XRCC4: variants seen among roughly 807,000 people sequenced by gnomAD.
XRCC4 encodes the protein X-ray repair cross complementing 4, also known as DNA repair protein XRCC4.
XRCC4 carries 28 observed loss-of-function variants against 39.1 expected under a neutral mutation model. That is an observed-to-expected ratio of 0.72 (90% confidence interval 0.53 to 0.98). The LOEUF is 0.98. Among genes scored for constraint, XRCC4 ranks in the 50% least tolerant of loss-of-function variants. The pLI is 0.00. For missense variants in XRCC4, 350 were observed against 376.4 expected, an observed-to-expected ratio of 0.93 and a Z score of 0.58; for synonymous variants, 123 against 126.4, an observed-to-expected ratio of 0.97 and a Z score of 0.18.
At chr5:83,355,342 TC>T (rs113640656), downstream of XRCC4, among the ~76,000 whole-genome samples, 2 of 152,092 alleles carry the variant, frequency 1.3e-5, no homozygotes, top group African/African-American at 4.8e-5. Context: ...ATGTCTCCTC[TC>T]CCGGTGGAAC....
chr5:83,315,811 T>C (rs1465332855), intron 7 of XRCC4, among the ~76,000 whole-genome samples: 1 of 152,152 alleles, frequency 6.6e-6, no homozygotes, highest in Non-Finnish European at 1.5e-5. Flanking sequence ...AGACCTCTGA[T>C]GGATATATAC....
chr5:83,077,685 G>A, intron 1 of XRCC4, 70 bp downstream of exon 1: 1 of 233,654 alleles, frequency 4.3e-6, no homozygotes, highest in Non-Finnish European at 8.6e-6. Flanking sequence ...TTATCTTTTT[G>A]CTTTCTTTTT....
At chr5:83,247,843 C>T (rs1312647080) in intron 6 of XRCC4, among the ~76,000 whole-genome samples, 2 of 152,138 alleles carry the variant, frequency 1.3e-5, no homozygotes, top group Non-Finnish European at 2.9e-5. Context: ...ATTATGATTG[C>T]TTTGTGTACT....
chr5:83,328,850 A>T (rs1453665785), intron 7 of XRCC4, among the ~76,000 whole-genome samples: 1 of 152,172 alleles, frequency 6.6e-6, no homozygotes, highest in Non-Finnish European at 1.5e-5. Flanking sequence ...AATTTGGCAT[A>T]TGGCAAAAGT....
intron 7 of XRCC4, among the ~76,000 whole-genome samples, chr5:83,303,251 GTAAGAATCTAAAGTACTCTATAT>G (rs1378373125): frequency 3.3e-5 from 5 of 150,530 alleles, no homozygotes; most frequent in Admixed American, 2.6e-4. Context: ...AACTTGGGTA[GTAAGAATCTAAAGTACTCTATAT>G]TAAGAATCTA....
chr5:83,126,187 A>G (rs1318061395), intron 3 of XRCC4, among the ~76,000 whole-genome samples: 1 of 151,674 alleles, frequency 6.6e-6, no homozygotes, highest in Non-Finnish European at 1.5e-5. Flanking sequence ...GAAATCTTGC[A>G]TCAGAATTTT....
In XRCC4 at chr5:83,104,897, T is replaced by C. The variant is rs1329295070; in HGVS notation, c.-10-13T>C. 6.2e-7 allele frequency: 1 copy of C among 1,608,440 alleles called. No individual in the cohort carries two copies. ...TTTCTTTTAAAAATATTAATTGTAT[T>C]CTCCCATTACAGGTATTAAGAAATG... On this transcript the variant is annotated splice_polypyrimidine_tract_variant and intron_variant, in intron 1 of 7. Coordinates refer to ENST00000396027, the MANE Select transcript of XRCC4 (RefSeq NM_003401.5).
intron 3 of XRCC4, among the ~76,000 whole-genome samples, chr5:83,176,432 T>C (rs1173557656): frequency 2.0e-5 from 3 of 152,120 alleles, no homozygotes; most frequent in Non-Finnish European, 4.4e-5. Context: ...AATAAAATTT[T>C]AAAGATTGAG....
chr5:83,280,833 T>C (rs1002303920), intron 7 of XRCC4, among the ~76,000 whole-genome samples: 4 of 152,242 alleles, frequency 2.6e-5, no homozygotes, highest in Non-Finnish European at 5.9e-5. Flanking sequence ...TGTTTAGTTG[T>C]AAACTGGCAT....
intron 3 of XRCC4, among the ~76,000 whole-genome samples, chr5:83,190,998 A>T (rs1034780189): frequency 1.3e-5 from 2 of 152,176 alleles, no homozygotes; most frequent in African/African-American, 4.8e-5. Context: ...TAGTTTCTTA[A>T]TGAGGATTAT....
chr5:83,171,264 C>A (rs548786234), intron 3 of XRCC4, among the ~76,000 whole-genome samples: 1 of 152,248 alleles, frequency 6.6e-6, no homozygotes, highest in African/African-American at 2.4e-5. Context: ...AACAACTGAT[C>A]TTCTTATCTC....
intron 7 of XRCC4, among the ~76,000 whole-genome samples, chr5:83,332,984 A>G (rs192569996): frequency 2.6e-5 from 4 of 152,326 alleles, no homozygotes; most frequent in Non-Finnish European, 5.9e-5. Flanking sequence ...TATTGTGACA[A>G]TTACATACAT....
At chr5:83,280,433 T>G in intron 7 of XRCC4, 1 of 675,568 alleles carries the variant, frequency 1.5e-6, no homozygotes, top group Non-Finnish European at 2.7e-6. Context: ...GGTGCCGCAA[T>G]TTTGAAGAAA....
At chr5:83,168,472 T>C (rs1749583914) in intron 3 of XRCC4, among the ~76,000 whole-genome samples, 1 of 152,118 alleles carries the variant, frequency 6.6e-6, no homozygotes, top group Non-Finnish European at 1.5e-5. Flanking sequence ...ATATTAAGCA[T>C]ATGAGAAAAT....
chr5:83,237,093 C>G (rs1437265052), intron 6 of XRCC4, among the ~76,000 whole-genome samples: 1 of 151,776 alleles, frequency 6.6e-6, no homozygotes, highest in Non-Finnish European at 1.5e-5. Context: ...AAAGGAGAAC[C>G]CTTGTGTAAT....
intron 7 of XRCC4, among the ~76,000 whole-genome samples, chr5:83,332,817 T>G (rs1210752137): frequency 1.3e-5 from 2 of 152,068 alleles, no homozygotes; most frequent in Non-Finnish European, 2.9e-5. Flanking sequence ...GGACACATAA[T>G]AATGAAGGGA....
At chr5:83,138,811 G>T (rs747373133) in intron 3 of XRCC4, among the ~76,000 whole-genome samples, 4 of 152,028 alleles carry the variant, frequency 2.6e-5, no homozygotes, top group African/African-American at 4.8e-5. Context: ...GGAATTGCTC[G>T]TAGTGACTAG....
At chr5:83,115,450 C>CA (rs368143338) in intron 3 of XRCC4, among the ~76,000 whole-genome samples, 3 of 151,932 alleles carry the variant, frequency 2.0e-5, no homozygotes, top group Non-Finnish European at 2.9e-5. Flanking sequence ...AACAAACAAA[C>CA]AAAAAAACAA....
Position 83,105,580 on chromosome 5 carries a change from A to G in XRCC4, c.139+522A>G, listed in dbSNP as rs181205029. Reference sequence around the variant, plus strand: ...AGGATCTTGGCTGTGATTTTAGGAAATAGATTTTTTTAACTCTTTGGTAAT... The same window carrying G: ...AGGATCTTGGCTGTGATTTTAGGAAGTAGATTTTTTTAACTCTTTGGTAAT... On this transcript the variant is annotated intron_variant, in intron 2 of 7. Transcript: ENST00000396027. Among the ~76,000 whole-genome samples the G allele has an allele frequency of 3.9e-5, 6 of 152,302 alleles. No homozygotes were observed. In the East Asian group the frequency reaches 9.6e-4, roughly 24 times the overall value.
Sources: allele counts gnomAD v4.1 joint callset (sites outside exome capture counted in the v4.1 genomes callset), GRCh38; gene constraint gnomAD v4.1.1; transcripts MANE v1.5; gene names NCBI Gene and HGNC (gene_info 2026-07-23, HGNC 2026-07-21).